The following EIF3H variants were observed in gnomAD, a reference collection of about 807,000 sequenced individuals.
The protein encoded by EIF3H is eIF-3-gamma.
Under a neutral mutation model 44.2 loss-of-function variants are expected in EIF3H, and 26 were observed. The ratio of observed to expected loss-of-function variants is 0.59; its 90% confidence interval spans 0.43 to 0.82. EIF3H has a LOEUF of 0.82. EIF3H is among the 40% of genes least tolerant of loss of function. The probability of loss-of-function intolerance (pLI) is 0.00; values close to 1 mark genes in which losing one functional copy is unlikely to be tolerated. For missense variants in EIF3H, 359 were observed against 432.8 expected, an observed-to-expected ratio of 0.83 and a Z score of 1.51; for synonymous variants, 166 against 151.9, an observed-to-expected ratio of 1.09 and a Z score of -0.68.
intron 1 of EIF3H, chr8:116,734,280 AG>A: frequency 2.2e-6 from 1 of 456,002 alleles, no homozygotes; most frequent in Non-Finnish European, 4.4e-6. Context: ...GCCTTACCTT[AG>A]GGGGATCCAG....
At chr8:116,655,757 T>C (rs1172301616) in intron 5 of EIF3H, 99 bp downstream of exon 5, 4 of 1,283,750 alleles carry the variant, frequency 3.1e-6, no homozygotes, top group Non-Finnish European at 4.5e-6. Context: ...TAAACGTTCT[T>C]AAGTAACTGT....
At chr8:116,708,553 C>G (rs1814510842) in intron 2 of EIF3H, among the ~76,000 whole-genome samples, 1 of 151,916 alleles carries the variant, frequency 6.6e-6, no homozygotes, top group Non-Finnish European at 1.5e-5. Flanking sequence ...TTAAAGATTT[C>G]AAGTTCAAAG....
In EIF3H at chr8:116,751,391, A is replaced by G. The variant is rs544181799; in HGVS notation, c.132+4275T>C. 2.0e-5 allele frequency among the ~76,000 whole-genome samples: 3 copies of G among 152,358 alleles called. No homozygotes were observed. In the South Asian group the frequency reaches 6.2e-4, roughly 32 times the overall value. On this transcript the variant is annotated intron_variant, in intron 1 of 7. Transcript: ENST00000521861. Reference sequence around the variant, plus strand: ...TCCTACTTTGTGAATTAACAGGTTCAGCACTGGAGATAAAACAGGTGAAAA... The same window carrying G: ...TCCTACTTTGTGAATTAACAGGTTCGGCACTGGAGATAAAACAGGTGAAAA...
chr8:116,662,986 C>T (rs1275128106), intron 2 of EIF3H, among the ~76,000 whole-genome samples: 2 of 152,126 alleles, frequency 1.3e-5, no homozygotes, highest in Non-Finnish European at 2.9e-5. Context: ...GCACAAGAGA[C>T]CCAGTTTGGC....
chr8:116,688,963 G>A (rs140297310), intron 2 of EIF3H: 22 of 326,104 alleles, frequency 6.7e-5, no homozygotes, highest in East Asian at 6.7e-4. Flanking sequence ...GAATATACCC[G>A]AGAGAAATGA....
intron 2 of EIF3H, among the ~76,000 whole-genome samples, chr8:116,699,692 C>T (rs987458403): frequency 7.9e-5 from 12 of 152,128 alleles, no homozygotes; most frequent in African/African-American, 2.7e-4. Flanking sequence ...CCCTGTGAAT[C>T]TAGAAATTGA....
chr8:116,674,506 G>C (rs908885287), intron 2 of EIF3H, among the ~76,000 whole-genome samples: 1 of 152,104 alleles, frequency 6.6e-6, no homozygotes, highest in East Asian at 1.9e-4. Context: ...TTGTTAAATA[G>C]AAAGTCTCTT....
At chr8:116,695,067 C>CT (rs767166377) in intron 2 of EIF3H, among the ~76,000 whole-genome samples, 8,492 of 133,552 alleles carry the variant, frequency 0.064, 331 homozygotes, top group African/African-American at 0.087. Context: ...CTTCCTAATT[C>CT]TTTTTTTTTT....
At position 116,679,354 on chromosome 8, in the gene EIF3H, G is replaced by GC. The variant is rs1457655885; in HGVS notation, c.290-20375dup. Among the ~76,000 whole-genome samples, 4 of 73,086 alleles carry GC rather than the reference G, an allele frequency of 5.5e-5. 1 individual carries two copies. The highest frequency in any genetic ancestry group is 3.2e-4 in the East Asian group (1 of 3,114). The allele number at this position is 73,086 out of a possible 152,430, so 47.9% of individuals were successfully genotyped here. On this transcript the variant is annotated intron_variant, in intron 2 of 7. Transcript: ENST00000521861. ...ATCCGGGAGGAAGGTGGGGGGGTCA[G>GC]CCCCCCGCCCGGTCAGCCCCCCGCC...
At chr8:116,762,909 A>G (rs959403852) in intron 1 of EIF3H, among the ~76,000 whole-genome samples, 2 of 152,202 alleles carry the variant, frequency 1.3e-5, no homozygotes, top group African/African-American at 4.8e-5. Flanking sequence ...GTGCCACTGC[A>G]CTCCACCATA....
chr8:116,727,201 C>T (rs16888708), intron 1 of EIF3H, among the ~76,000 whole-genome samples: 2,008 of 152,236 alleles, frequency 0.013, 54 homozygotes, highest in African/African-American at 0.046. Context: ...CTCAGCCACA[C>T]GGATGGTGAA....
At chr8:116,716,779 T>C (rs903206976) in intron 2 of EIF3H, among the ~76,000 whole-genome samples, 2 of 152,030 alleles carry the variant, frequency 1.3e-5, no homozygotes, top group African/African-American at 4.8e-5. Context: ...CAAAACTTTA[T>C]TTACAAATCA....
intron 2 of EIF3H, chr8:116,688,975 A>G: frequency 3.0e-6 from 1 of 335,654 alleles, no homozygotes; most frequent in Admixed American, 3.5e-5. Flanking sequence ...GAGAAATGAA[A>G]GCAATGTCCA....
chr8:116,714,520 G>C (rs942034528), intron 2 of EIF3H, among the ~76,000 whole-genome samples: 1 of 152,014 alleles, frequency 6.6e-6, no homozygotes, highest in Non-Finnish European at 1.5e-5. Context: ...AAATGCTGAA[G>C]TGAATTACAG....
intron 2 of EIF3H, among the ~76,000 whole-genome samples, chr8:116,666,188 T>C (rs114624286): frequency 6.6e-6 from 1 of 152,128 alleles, no homozygotes; most frequent in African/African-American, 2.4e-5. Flanking sequence ...AAATAATGGG[T>C]GGTTTAATGT....
intron 1 of EIF3H, among the ~76,000 whole-genome samples, chr8:116,761,966 C>G (rs778942545): frequency 1.3e-5 from 2 of 152,154 alleles, no homozygotes; most frequent in Non-Finnish European, 2.9e-5. Context: ...ACTGACACAC[C>G]AAATTCAAAT....
In EIF3H at chr8:116,743,799, A is replaced by ATATATATATATAT. The variant is rs1563659950; in HGVS notation, c.132+11866_132+11867insATATATATATATA. On this transcript the variant is annotated intron_variant, in intron 1 of 7. Coordinates refer to ENST00000521861, the MANE Select transcript of EIF3H (RefSeq NM_003756.3). ...ATATATATATATATATATATATATA[A>ATATATATATATAT]ACACACACACACACACACACACACA... Among the ~76,000 whole-genome samples, 83 of 87,004 alleles carry ATATATATATATAT rather than the reference A, an allele frequency of 9.5e-4. 2 individuals carry two copies. The highest frequency in any genetic ancestry group is 1.9e-3 in the Non-Finnish European group (79 of 42,464). 57.1% of individuals were successfully genotyped at this position (87,004 alleles called of 152,430 possible).
chr8:116,691,591 T>C (rs1814175340), intron 2 of EIF3H, among the ~76,000 whole-genome samples: 2 of 151,880 alleles, frequency 1.3e-5, no homozygotes, highest in Admixed American at 1.3e-4. Context: ...AATGCCCTTT[T>C]AGGCCAGGCA....
At position 116,705,734 on chromosome 8, in the gene EIF3H, G is replaced by A. The variant is rs188737278; in HGVS notation, c.289+20282C>T. 1.4e-4 allele frequency among the ~76,000 whole-genome samples: 22 copies of A among 152,166 alleles called. 1 individual carries two copies. Among genetic ancestry groups the A allele is most frequent in the Admixed American group, 4.6e-4 (7 of 15,288 alleles). On this transcript the variant is annotated intron_variant, in intron 2 of 7. Coordinates refer to ENST00000521861, the MANE Select transcript of EIF3H (RefSeq NM_003756.3). Reference sequence around the variant, plus strand: ...CCTAAGGAGACATAACCAGCGCAACGTGGTATTCTAGACTGGATCCTAGAA... The same window carrying A: ...CCTAAGGAGACATAACCAGCGCAACATGGTATTCTAGACTGGATCCTAGAA...
Sources: allele counts gnomAD v4.1 joint callset (sites outside exome capture counted in the v4.1 genomes callset), GRCh38; gene constraint gnomAD v4.1.1; transcripts MANE v1.5; gene names NCBI Gene and HGNC (gene_info 2026-07-23, HGNC 2026-07-21).